The following OCLN variants were observed in gnomAD, a reference collection of about 807,000 sequenced individuals.
OCLN encodes the protein phosphatase 1, regulatory subunit 115.
OCLN carries 21 observed loss-of-function variants against 47.9 expected under a neutral mutation model. The observed-to-expected ratio is 0.44, with a 90% CI of 0.31 to 0.63. The LOEUF is 0.63. OCLN is among the 30% of genes least tolerant of loss of function. The probability of loss-of-function intolerance (pLI) is 0.08; values close to 1 mark genes in which losing one functional copy is unlikely to be tolerated. For missense variants in OCLN, 360 were observed against 571.0 expected (o/e 0.63, Z 3.77); for synonymous variants, 117 against 198.4 (o/e 0.59, Z 3.45).
At chr5:69,529,166 A>AC (rs1769362614) in intron 4 of OCLN, among the ~76,000 whole-genome samples, 1 of 152,054 alleles carries the variant, frequency 6.6e-6, no homozygotes, top group Non-Finnish European at 1.5e-5. Flanking sequence ...GATGGTGTAG[A>AC]CCCATCTTAC....
chr5:69,504,406 T>A (rs1231223521), intron 2 of OCLN, 112 bp downstream of exon 2: 1 of 738,724 alleles, frequency 1.4e-6, no homozygotes, highest in African/African-American at 1.7e-5. Flanking sequence ...ATATGTGTAC[T>A]TGTAAATTTA....
intron 4 of OCLN, among the ~76,000 whole-genome samples, chr5:69,515,876 C>T (rs1177095090): frequency 4.7e-5 from 7 of 149,752 alleles, no homozygotes; most frequent in Non-Finnish European, 7.4e-5. Flanking sequence ...GGGGCAGAGG[C>T]GCTCCCCACA....
chr5:69,513,220 A>G (rs1768834210), intron 3 of OCLN, among the ~76,000 whole-genome samples: 1 of 152,150 alleles, frequency 6.6e-6, no homozygotes, highest in South Asian at 2.1e-4. Context: ...ATTTCCCTCA[A>G]CTTCAAGTGC....
At chr5:69,522,413 A>T (rs1176143469) in intron 4 of OCLN, among the ~76,000 whole-genome samples, 1 of 152,138 alleles carries the variant, frequency 6.6e-6, no homozygotes, top group East Asian at 1.9e-4. Flanking sequence ...CTAGACCTTT[A>T]AGATCACCAG....
intron 4 of OCLN, among the ~76,000 whole-genome samples, chr5:69,533,542 G>A (rs954439408): frequency 2.6e-5 from 4 of 152,162 alleles, no homozygotes; most frequent in African/African-American, 7.2e-5. Flanking sequence ...AGCTCAAGGG[G>A]GAAGTAGGAC....
In OCLN at chr5:69,493,207, A is replaced by T. The variant is rs764075360; in HGVS notation, c.-69+307A>T. On this transcript the variant is annotated intron_variant, in intron 1 of 8. Coordinates refer to ENST00000396442, the MANE Select transcript of OCLN (RefSeq NM_001205254.2). The surrounding 1 kb of genome is among the most constrained non-coding windows in gnomAD (Gnocchi z 5.3). The stretch of plus-strand genomic sequence containing the variant: ...GCGGCGCGGGCAACTTTTCACTTTT[A>T]TGGGGCACGACATTCCTGAACAGCG... Among the ~76,000 whole-genome samples the T allele has an allele frequency of 1.3e-5, 2 of 151,960 alleles. No homozygotes were observed. The highest frequency in any genetic ancestry group is 2.9e-5 in the Non-Finnish European group (2 of 67,984).
chr5:69,505,530 C>A (rs1008776264), intron 2 of OCLN, among the ~76,000 whole-genome samples: 1 of 152,154 alleles, frequency 6.6e-6, no homozygotes, highest in African/African-American at 2.4e-5. Flanking sequence ...GGAGAAATCA[C>A]GTAATATGTG....
At chr5:69,501,134 C>T (rs1269197229) in intron 1 of OCLN, among the ~76,000 whole-genome samples, 1 of 152,134 alleles carries the variant, frequency 6.6e-6, no homozygotes, top group African/African-American at 2.4e-5. Flanking sequence ...CCAGGCTGGT[C>T]TCGAACTCCT....
chr5:69,520,381 A>T (rs1005786617), intron 4 of OCLN, among the ~76,000 whole-genome samples: 1 of 144,606 alleles, frequency 6.9e-6, no homozygotes, highest in African/African-American at 2.6e-5. Context: ...GCTCACTGCA[A>T]CCTCTGTCTC....
intron 3 of OCLN, among the ~76,000 whole-genome samples, chr5:69,513,047 T>C (rs1164726561): frequency 6.6e-6 from 1 of 152,174 alleles, no homozygotes; most frequent in Non-Finnish European, 1.5e-5. Context: ...TTTAGACATG[T>C]CCATGGTAGA....
At chr5:69,518,685 G>A (rs1769044370) in intron 4 of OCLN, among the ~76,000 whole-genome samples, 1 of 152,112 alleles carries the variant, frequency 6.6e-6, no homozygotes, top group African/African-American at 2.4e-5. Flanking sequence ...AGTAGATTAG[G>A]GAGTTTTCTT....
At chr5:69,528,723 TC>T (rs1769349374) in intron 4 of OCLN, among the ~76,000 whole-genome samples, 1 of 152,198 alleles carries the variant, frequency 6.6e-6, no homozygotes, top group South Asian at 2.1e-4. Context: ...CTCAATTTCC[TC>T]ATCTGAAAAT....
At chr5:69,496,939 G>A (rs923243687) in intron 1 of OCLN, among the ~76,000 whole-genome samples, 1 of 152,070 alleles carries the variant, frequency 6.6e-6, no homozygotes, top group African/African-American at 2.4e-5. Context: ...GGTGATAAGT[G>A]GCCTCTTCAT....
rs1769951321 is a variant in OCLN at position 69,555,320 on chromosome 5, A to G, written c.*1649A>G. The G allele has an allele frequency of 1.5e-5, 2 of 131,868 alleles. No individual in the cohort carries two copies. The highest frequency in any genetic ancestry group is 5.1e-4 in the South Asian group (2 of 3,914). The allele number at this position is 131,868 out of a possible 1,614,324, so 8.2% of individuals were successfully genotyped here. ...CTCTTGTTGAACAGGCTGGAGTGCA[A>G]TGTCGCGATCTCAGCTCACCACAAC... On this transcript the variant is annotated 3_prime_UTR_variant, in exon 9 of 9. Coordinates refer to ENST00000396442, the MANE Select transcript of OCLN (RefSeq NM_001205254.2).
rs1331130950 is a variant in OCLN at position 69,515,902 on chromosome 5, G to A, written c.891+1793G>A. ...GCTCCCCACATCTTAGACGATGGGC[G>A]GCCGGGCAGAGACGCTCCTCACTTC... On this transcript the variant is annotated intron_variant, in intron 4 of 8. Transcript: ENST00000396442. Among the ~76,000 whole-genome samples, 11 of 149,716 alleles carry A rather than the reference G, an allele frequency of 7.3e-5. No individual in the cohort carries two copies. In the East Asian group the frequency reaches 1.6e-3, roughly 22 times the overall value.
At chr5:69,505,250 C>CA (rs1768568025) in intron 2 of OCLN, among the ~76,000 whole-genome samples, 1 of 151,840 alleles carries the variant, frequency 6.6e-6, no homozygotes. Context: ...AACTCCGTCT[C>CA]AAAAAATAAA....
intron 4 of OCLN, among the ~76,000 whole-genome samples, chr5:69,521,707 T>TCTGCA (rs1769143231): frequency 6.6e-6 from 1 of 152,250 alleles, no homozygotes. Flanking sequence ...CTACTAACCC[T>TCTGCA]GATGGTATAT....
At chr5:69,517,804 C>G (rs1769019644) in intron 4 of OCLN, among the ~76,000 whole-genome samples, 1 of 151,726 alleles carries the variant, frequency 6.6e-6, no homozygotes. Flanking sequence ...TTTTTTCCCT[C>G]ACTTTAAAGT....
intron 4 of OCLN, among the ~76,000 whole-genome samples, chr5:69,515,309 G>A (rs551109752): frequency 1.4e-5 from 2 of 144,126 alleles, no homozygotes; most frequent in African/African-American, 5.1e-5. Context: ...TCCCGGATGG[G>A]GCGGCTGGCC....
Sources: gnomAD v4.1 joint callset for allele counts (sites outside exome capture counted in the v4.1 genomes callset) on GRCh38, gnomAD v4.1.1 for gene constraint, Gnocchi (gnomAD v3.1) non-coding constraint, MANE v1.5 for transcripts, NCBI Gene and HGNC (gene_info 2026-07-23, HGNC 2026-07-21) for gene names.